RIMS2: variants seen among roughly 807,000 people sequenced by gnomAD.
RIMS2 encodes regulating synaptic membrane exocytosis 2.
A neutral mutation model predicts 174.4 loss-of-function variants in RIMS2; 59 were observed. That is an observed-to-expected ratio of 0.34 (90% CI 0.27 to 0.42). RIMS2 has a LOEUF of 0.42. Among genes scored for constraint, RIMS2 ranks in the 10% least tolerant of loss-of-function variants. The pLI is 1.00. For missense variants in RIMS2, 1,620 were observed against 1,666.3 expected, an observed-to-expected ratio of 0.97 and a Z score of 0.48; for synonymous variants, 606 against 572.5, an observed-to-expected ratio of 1.06 and a Z score of -0.84.
At chr8:104,060,762 A>G (rs1354171054) in intron 19 of RIMS2, among the ~76,000 whole-genome samples, 1 of 152,098 alleles carries the variant, frequency 6.6e-6, no homozygotes, top group Non-Finnish European at 1.5e-5. Context: ...AGATTGTGGT[A>G]TGTTGTGTCT....
At chr8:103,519,485 C>T (rs781364601) in intron 1 of RIMS2, among the ~76,000 whole-genome samples, 7 of 152,008 alleles carry the variant, frequency 4.6e-5, no homozygotes, top group Non-Finnish European at 8.8e-5. Flanking sequence ...CTTTCCCACC[C>T]CTTCCAGTTC....
chr8:103,955,818 T>TCAG (rs1329454710), intron 14 of RIMS2, among the ~76,000 whole-genome samples: 1 of 152,134 alleles, frequency 6.6e-6, no homozygotes, highest in Non-Finnish European at 1.5e-5. Context: ...ATTATCTCTG[T>TCAG]TTGCAGATGA....
chr8:103,620,408 G>T (rs2095607879), intron 1 of RIMS2, among the ~76,000 whole-genome samples: 1 of 150,896 alleles, frequency 6.6e-6, no homozygotes, highest in African/African-American at 2.4e-5. Context: ...ACAACTAAAT[G>T]TTGACCGCAT....
At chr8:104,158,429 G>A (rs1231829935) in intron 19 of RIMS2, among the ~76,000 whole-genome samples, 1 of 152,070 alleles carries the variant, frequency 6.6e-6, no homozygotes, top group Non-Finnish European at 1.5e-5. Flanking sequence ...GGGATTGCTG[G>A]GTCAAGAGGT....
intron 3 of RIMS2, among the ~76,000 whole-genome samples, chr8:103,816,233 T>C (rs2098717671): frequency 6.6e-6 from 1 of 152,110 alleles, no homozygotes; most frequent in Non-Finnish European, 1.5e-5. Context: ...TGTGGCAGGC[T>C]AAAAATAAAC....
chr8:103,787,486 G>A (rs1380981420), intron 3 of RIMS2, among the ~76,000 whole-genome samples: 4 of 150,998 alleles, frequency 2.6e-5, no homozygotes, highest in African/African-American at 7.3e-5. Flanking sequence ...AAATCTCTCA[G>A]CATTTGCTTG....
chr8:104,097,437 ACT>A (rs1459894745), intron 19 of RIMS2, among the ~76,000 whole-genome samples: 1 of 152,086 alleles, frequency 6.6e-6, no homozygotes, highest in African/African-American at 2.4e-5. Context: ...ATCATTTCTG[ACT>A]CTGAATTTCT....
chr8:104,119,565 G>C (rs2132249846), intron 19 of RIMS2, among the ~76,000 whole-genome samples: 1 of 152,206 alleles, frequency 6.6e-6, no homozygotes, highest in African/African-American at 2.4e-5. Flanking sequence ...TTTTCTGAAT[G>C]TTAAAATTAT....
intron 2 of RIMS2, among the ~76,000 whole-genome samples, chr8:103,756,407 G>A: frequency 6.9e-6 from 1 of 144,732 alleles, no homozygotes; most frequent in East Asian, 2.0e-4. Context: ...TTTTTTTGCA[G>A]GACTCTTGTA....
At chr8:103,612,437 G>A (rs1181744902) in intron 1 of RIMS2, among the ~76,000 whole-genome samples, 5 of 152,150 alleles carry the variant, frequency 3.3e-5, no homozygotes. Flanking sequence ...TCTTGAGAAG[G>A]TGTTTCAGGT....
intron 19 of RIMS2, among the ~76,000 whole-genome samples, chr8:104,137,257 T>A (rs1379585174): frequency 6.6e-6 from 1 of 152,180 alleles, no homozygotes; most frequent in Non-Finnish European, 1.5e-5. Context: ...AGTAAAGCCT[T>A]AGTGCCTCCA....
chr8:104,041,593 T>C (rs13252142), intron 19 of RIMS2, among the ~76,000 whole-genome samples: 38,348 of 151,480 alleles, frequency 0.25, 5,267 homozygotes, highest in African/African-American at 0.35. Context: ...ATAGATGTAA[T>C]TTTTCCATAA....
At chr8:104,234,116 A>G (rs2099246325) in intron 19 of RIMS2, among the ~76,000 whole-genome samples, 1 of 152,160 alleles carries the variant, frequency 6.6e-6, no homozygotes, top group Non-Finnish European at 1.5e-5. Flanking sequence ...ACTATTTATT[A>G]AACACCACTA....
At chr8:103,542,705 G>C (rs1218283454) in intron 1 of RIMS2, among the ~76,000 whole-genome samples, 2 of 152,096 alleles carry the variant, frequency 1.3e-5, no homozygotes, top group African/African-American at 4.8e-5. Flanking sequence ...TAGGATGCAA[G>C]GATAGTTCAA....
intron 3 of RIMS2, among the ~76,000 whole-genome samples, chr8:103,870,280 G>GA: frequency 6.6e-6 from 1 of 151,590 alleles, no homozygotes; most frequent in East Asian, 1.9e-4. Context: ...GGATTATTTT[G>GA]AAAAATGAAT....
chr8:103,503,986 A>G (rs1339482064), intron 1 of RIMS2, among the ~76,000 whole-genome samples: 1 of 152,110 alleles, frequency 6.6e-6, no homozygotes. Flanking sequence ...TAGGAAGTCT[A>G]TCATCATCAA....
chr8:103,918,023 AC>A (rs1349764529), intron 8 of RIMS2, among the ~76,000 whole-genome samples: 1 of 152,192 alleles, frequency 6.6e-6, no homozygotes, highest in Non-Finnish European at 1.5e-5. Flanking sequence ...TGAATATCTT[AC>A]TTTTTATTTT....
chr8:103,568,917 G>C, intron 1 of RIMS2: 1 of 965,938 alleles, frequency 1.0e-6, no homozygotes, highest in Non-Finnish European at 1.6e-6. Context: ...CAACACATCA[G>C]TGGCATTGCA....
chr8:103,512,839 A>G (rs1234248096), intron 1 of RIMS2, among the ~76,000 whole-genome samples: 1 of 152,160 alleles, frequency 6.6e-6, no homozygotes, highest in Non-Finnish European at 1.5e-5. Flanking sequence ...TAGTATCAAC[A>G]TACAAATTGA....
Sources: allele counts gnomAD v4.1 joint callset (sites outside exome capture counted in the v4.1 genomes callset), GRCh38; gene constraint gnomAD v4.1.1; transcripts MANE v1.5; gene names NCBI Gene and HGNC (gene_info 2026-07-23, HGNC 2026-07-21).